PIWIL2: variants seen among roughly 807,000 people sequenced by gnomAD.
The protein encoded by PIWIL2 is piwi like RNA-mediated gene silencing 2, also known as piwi-like protein 2.
PIWIL2 carries 81 observed loss-of-function variants against 116.5 expected under a neutral mutation model. That is an observed-to-expected ratio of 0.70 (90% confidence interval 0.58 to 0.84). The LOEUF is 0.84. Among genes scored for constraint, PIWIL2 ranks in the 40% least tolerant of loss-of-function variants. PIWIL2 has a pLI of 0.00. For missense variants in PIWIL2, 1,272 were observed against 1,212.3 expected (o/e 1.05, Z -0.73); for synonymous variants, 489 against 429.5 (o/e 1.14, Z -1.71).
chr8:22,326,884 T>C (rs922795077), intron 20 of PIWIL2, among the ~76,000 whole-genome samples: 2 of 152,176 alleles, frequency 1.3e-5, no homozygotes, highest in African/African-American at 4.8e-5. Flanking sequence ...GGTCATATAG[T>C]AGTTCTGTGT....
At chr8:22,340,726 C>T (rs574129368) in intron 20 of PIWIL2, among the ~76,000 whole-genome samples, 1 of 151,820 alleles carries the variant, frequency 6.6e-6, no homozygotes, top group African/African-American at 2.4e-5. Flanking sequence ...CTTTTTATTT[C>T]TTTTTTTTCT....
chr8:22,285,050 CAT>C lies in PIWIL2; in HGVS notation c.743+781_743+782del, dbSNP rs753398515. 3.6e-4 allele frequency among the ~76,000 whole-genome samples: 55 copies of C among 152,300 alleles called. 1 individual carries two copies. The highest frequency in any genetic ancestry group is 2.3e-3 in the South Asian group (11 of 4,828). Reference sequence around the variant, plus strand: ...AGAAAGATTAAGTCAGGCTAATTGACATATGTGTCACCTCACCTACTTACTGT... The same window carrying C: ...AGAAAGATTAAGTCAGGCTAATTGACATGTGTCACCTCACCTACTTACTGT... On this transcript the variant is annotated intron_variant, in intron 6 of 22. Coordinates refer to ENST00000356766, the MANE Select transcript of PIWIL2 (RefSeq NM_018068.5).
At chr8:22,328,975 G>A (rs570797098) in intron 20 of PIWIL2, among the ~76,000 whole-genome samples, 1 of 151,314 alleles carries the variant, frequency 6.6e-6, no homozygotes, top group East Asian at 1.9e-4. Context: ...TTCCTTAATT[G>A]TTATGGCTAG....
chr8:22,314,195 C>G, intron 16 of PIWIL2, 133 bp from the exon 17 acceptor site: 1 of 441,972 alleles, frequency 2.3e-6, no homozygotes, highest in East Asian at 3.5e-5. Flanking sequence ...GAATGTCCAC[C>G]CTCTTTATTT....
In PIWIL2 at chr8:22,288,583, A is replaced by C. The variant is rs1308460343; in HGVS notation, c.903A>C (p.Glu301Asp). 3 of 1,609,450 alleles carry C rather than the reference A, an allele frequency of 1.9e-6. No individual in the cohort carries two copies. The highest frequency in any genetic ancestry group is 2.6e-6 in the Non-Finnish European group (3 of 1,175,830). ...GTCAAAGGAAAACAGACAGTGCTGAAATCAGCATTAAGATTCAGATGACAA... is the reference window on the plus strand; with the variant it reads ...GTCAAAGGAAAACAGACAGTGCTGACATCAGCATTAAGATTCAGATGACAA... ...LKSQRKTDSA[E>D]ISIKIQMTKI... Residue 301 changes from glutamate (E) to aspartate (D), a missense_variant, in exon 8 of 23, where the codon GAA becomes GAC. By Grantham distance (45) the Glu-to-Asp change is conservative. Coordinates refer to ENST00000356766, the MANE Select transcript of PIWIL2 (RefSeq NM_018068.5).
intron 6 of PIWIL2, among the ~76,000 whole-genome samples, chr8:22,285,618 T>C (rs534672921): frequency 6.6e-6 from 1 of 152,236 alleles, no homozygotes; most frequent in South Asian, 2.1e-4. Context: ...TATTTTTAGT[T>C]TTTTTAAGAA....
chr8:22,350,988 A>G (rs145580796), intron 20 of PIWIL2, among the ~76,000 whole-genome samples: 1 of 152,072 alleles, frequency 6.6e-6, no homozygotes, highest in Non-Finnish European at 1.5e-5. Flanking sequence ...TAAGAATACA[A>G]AAATTAGCCA....
rs766524080 is a variant in PIWIL2 at position 22,314,368 on chromosome 8, G to A, written c.2030G>A (p.Arg677His). The change falls in exon 17 of 23, where the codon CGT becomes CAT. Residue 677 changes from arginine to histidine, a missense_variant. Coordinates refer to ENST00000356766, the MANE Select transcript of PIWIL2 (RefSeq NM_018068.5). ...QMVVCIIMGP[R>H]DDLYGAIKKL... Reference sequence around the variant, plus strand: ...GTTGTTTGCATCATCATGGGCCCACGTGATGATCTCTATGGGGCCATCAAG... The same window carrying A: ...GTTGTTTGCATCATCATGGGCCCACATGATGATCTCTATGGGGCCATCAAG... 1.5e-5 allele frequency: 23 copies of A among 1,582,958 alleles called. No homozygotes were observed. Among genetic ancestry groups the A allele is most frequent in the South Asian group, 7.0e-5 (6 of 86,080 alleles).
intron 19 of PIWIL2, 128 bp from the exon 20 acceptor site, chr8:22,318,042 A>G (rs1190652321): frequency 5.0e-6 from 3 of 597,704 alleles, no homozygotes; most frequent in Non-Finnish European, 9.1e-6. Flanking sequence ...ATATAAATGC[A>G]TTTTCTAGGT....
At position 22,277,083 on chromosome 8, in the gene PIWIL2, A is replaced by G. The variant is rs1830394072; in HGVS notation, c.-47+1685A>G. On this transcript the variant is annotated intron_variant, in intron 1 of 22. Coordinates refer to ENST00000356766, the MANE Select transcript of PIWIL2 (RefSeq NM_018068.5). ...GTGCTGTCACCCAGGCTGGAGTGCC[A>G]CGATCTTGACTCACTGCAACCTCCG... Among the ~76,000 whole-genome samples the G allele has an allele frequency of 3.3e-5, 5 of 150,836 alleles. No homozygotes were observed. In the South Asian group the frequency reaches 1.0e-3, roughly 32 times the overall value.
intron 5 of PIWIL2, 131 bp from the exon 6 acceptor site, chr8:22,284,031 T>G (rs1295711733): frequency 1.8e-6 from 1 of 541,242 alleles, no homozygotes; most frequent in East Asian, 3.1e-5. Context: ...CCTCTTGATA[T>G]GTGTATCTGT....
intron 13 of PIWIL2, among the ~76,000 whole-genome samples, chr8:22,307,262 T>A (rs1227455693): frequency 6.6e-6 from 1 of 151,894 alleles, no homozygotes; most frequent in Non-Finnish European, 1.5e-5. Flanking sequence ...GCTCAAGTGA[T>A]CTGCCTGTCT....
chr8:22,302,173 T>C (rs1831065682), intron 10 of PIWIL2, among the ~76,000 whole-genome samples: 1 of 152,038 alleles, frequency 6.6e-6, no homozygotes. Flanking sequence ...GTCTAGATGG[T>C]TTATTTTTCT....
At chr8:22,277,659 CTG>C (rs552075542) in intron 1 of PIWIL2, among the ~76,000 whole-genome samples, 1 of 151,914 alleles carries the variant, frequency 6.6e-6, no homozygotes, top group African/African-American at 2.4e-5. Context: ...GCATGAACCA[CTG>C]TGTGTGTGTG....
At chr8:22,297,974 T>A (rs1451907350) in intron 10 of PIWIL2, among the ~76,000 whole-genome samples, 1 of 152,110 alleles carries the variant, frequency 6.6e-6, no homozygotes, top group Non-Finnish European at 1.5e-5. Flanking sequence ...AAAACAGAAT[T>A]GACTGGGTGC....
intron 10 of PIWIL2, among the ~76,000 whole-genome samples, chr8:22,291,144 TC>T (rs1248366369): frequency 6.6e-6 from 1 of 151,324 alleles, no homozygotes; most frequent in Non-Finnish European, 1.5e-5. Flanking sequence ...AATTTTTTTT[TC>T]TTTTCTTTTC....
intron 10 of PIWIL2, among the ~76,000 whole-genome samples, chr8:22,299,094 A>G (rs906874804): frequency 4.0e-5 from 6 of 151,464 alleles, no homozygotes; most frequent in African/African-American, 9.7e-5. Context: ...GAGTATATGA[A>G]TATTTGTTTT....
At chr8:22,296,051 T>G in intron 10 of PIWIL2, among the ~76,000 whole-genome samples, 1 of 121,534 alleles carries the variant, frequency 8.2e-6, no homozygotes, top group Non-Finnish European at 1.7e-5. Context: ...TTTTTTTTTT[T>G]TTTTTTTGTT....
At chr8:22,316,481 T>C in intron 19 of PIWIL2, 148 bp downstream of exon 19, 1 of 573,526 alleles carries the variant, frequency 1.7e-6, no homozygotes. Flanking sequence ...TGAATTTTTT[T>C]TTTCGGGGGG....
Sources: gnomAD v4.1 joint callset for allele counts (sites outside exome capture counted in the v4.1 genomes callset) on GRCh38, gnomAD v4.1.1 for gene constraint, MANE v1.5 for transcripts, NCBI Gene and HGNC (gene_info 2026-07-23, HGNC 2026-07-21) for gene names.